ATP6V1H: variants seen among roughly 807,000 people sequenced by gnomAD.
ATP6V1H encodes V-type proton ATPase subunit H.
A neutral mutation model predicts 71.7 loss-of-function variants in ATP6V1H; 39 were observed. That is an observed-to-expected ratio of 0.54 (90% CI 0.42 to 0.71). The LOEUF is 0.71. Ranked by LOEUF, ATP6V1H falls within the 30% of genes least tolerant of loss-of-function variation. The pLI, the probability that ATP6V1H is intolerant of heterozygous loss-of-function variation, is 0.00. For missense variants in ATP6V1H, 509 were observed against 594.9 expected, an observed-to-expected ratio of 0.86 and a Z score of 1.50; for synonymous variants, 192 against 199.3, an observed-to-expected ratio of 0.96 and a Z score of 0.31.
chr8:53,793,835 T>G (rs185030493), intron 9 of ATP6V1H, among the ~76,000 whole-genome samples: 1 of 152,084 alleles, frequency 6.6e-6, no homozygotes. Context: ...GCTACTCAGG[T>G]GGCTGAGGCA....
chr8:53,796,853 T>C (rs1017719544), intron 8 of ATP6V1H, among the ~76,000 whole-genome samples: 1 of 152,226 alleles, frequency 6.6e-6, no homozygotes, highest in African/African-American at 2.4e-5. Flanking sequence ...ATGTTTAAAA[T>C]GCTAAGCCTG....
rs182533002 is a variant in ATP6V1H, at chr8:53,834,636, G to A, written c.114-1550C>T. ...AAACGGGGTTTCACCATATTGGCCGGGCTGCTCTCGAACTCCTGATCTCGT... is the reference window on the plus strand; with the variant it reads ...AAACGGGGTTTCACCATATTGGCCGAGCTGCTCTCGAACTCCTGATCTCGT... On this transcript the variant is annotated intron_variant, in intron 2 of 13. Coordinates refer to ENST00000359530, the MANE Select transcript of ATP6V1H (RefSeq NM_015941.4). Among the ~76,000 whole-genome samples the A allele has an allele frequency of 4.1e-3, 630 of 152,098 alleles. 4 individuals are homozygous for A. The highest frequency in any genetic ancestry group is 5.7e-3 in the Non-Finnish European group (389 of 67,986).
chr8:53,748,756 C>T (rs527355401), intron 12 of ATP6V1H, among the ~76,000 whole-genome samples: 1 of 152,182 alleles, frequency 6.6e-6, no homozygotes, highest in African/African-American at 2.4e-5. Context: ...AAGGGTGTTG[C>T]TTTTTCCTCT....
At chr8:53,724,401 A>G (rs74451932) in intron 13 of ATP6V1H, among the ~76,000 whole-genome samples, 14,003 of 152,186 alleles carry the variant, frequency 0.092, 1,079 homozygotes, top group East Asian at 0.41. Flanking sequence ...TTCTTCCTCA[A>G]TAACAGAACC....
At chr8:53,744,226 T>C (rs976039737) in intron 12 of ATP6V1H, among the ~76,000 whole-genome samples, 1 of 152,078 alleles carries the variant, frequency 6.6e-6, no homozygotes, top group Non-Finnish European at 1.5e-5. Context: ...GTAATAACAA[T>C]GGGATATGCC....
chr8:53,827,106 G>A (rs1475436206), intron 4 of ATP6V1H, among the ~76,000 whole-genome samples: 1 of 152,030 alleles, frequency 6.6e-6, no homozygotes, highest in Non-Finnish European at 1.5e-5. Context: ...TGCAGGCTGG[G>A]CATGGTGGCT....
At chr8:53,793,259 T>TAAA (rs1355256849) in intron 9 of ATP6V1H, among the ~76,000 whole-genome samples, 3 of 152,206 alleles carry the variant, frequency 2.0e-5, no homozygotes, top group African/African-American at 7.2e-5. Context: ...GGTAATATTA[T>TAAA]AGTGAGCAGA....
chr8:53,743,402 T>C (rs1807485257), intron 13 of ATP6V1H, among the ~76,000 whole-genome samples, 175 bp downstream of exon 13: 2 of 152,044 alleles, frequency 1.3e-5, no homozygotes, highest in Admixed American at 1.3e-4. Flanking sequence ...GTGCAGTCCG[T>C]CTTTATAAAA....
At chr8:53,779,321 T>A (rs1274094211) in intron 9 of ATP6V1H, among the ~76,000 whole-genome samples, 1 of 151,968 alleles carries the variant, frequency 6.6e-6, no homozygotes, top group Non-Finnish European at 1.5e-5. Flanking sequence ...GATTGAAATC[T>A]TACAGAATAT....
At chr8:53,718,859 G>A (rs1431142899) in intron 13 of ATP6V1H, among the ~76,000 whole-genome samples, 3 of 152,184 alleles carry the variant, frequency 2.0e-5, no homozygotes, top group Non-Finnish European at 4.4e-5. Context: ...ATGAAAAAGG[G>A]TCCAACTAAG....
intron 12 of ATP6V1H, among the ~76,000 whole-genome samples, chr8:53,752,957 G>T (rs1049246688): frequency 6.6e-6 from 1 of 151,756 alleles, no homozygotes; most frequent in Admixed American, 6.6e-5. Context: ...TAAAATGTTT[G>T]AGTATTATGA....
At chr8:53,801,377 A>C (rs746533509) in intron 8 of ATP6V1H, among the ~76,000 whole-genome samples, 2 of 152,232 alleles carry the variant, frequency 1.3e-5, no homozygotes, top group African/African-American at 2.4e-5. Context: ...AAGCCTGAAC[A>C]GGCAGCTCCT....
At chr8:53,747,581 C>T (rs761154752) in intron 12 of ATP6V1H, among the ~76,000 whole-genome samples, 1 of 151,074 alleles carries the variant, frequency 6.6e-6, no homozygotes, top group Non-Finnish European at 1.5e-5. Context: ...GCTCCATTGC[C>T]CAGGCTGGAG....
chr8:53,828,560 T>A (rs796292479), intron 4 of ATP6V1H, among the ~76,000 whole-genome samples: 4 of 152,262 alleles, frequency 2.6e-5, no homozygotes, highest in African/African-American at 9.6e-5. Context: ...CTGTTTTACA[T>A]GAAAAAGTGC....
intron 9 of ATP6V1H, among the ~76,000 whole-genome samples, chr8:53,786,745 T>C (rs186049539): frequency 6.6e-6 from 1 of 152,210 alleles, no homozygotes; most frequent in Non-Finnish European, 1.5e-5. Flanking sequence ...ACAAATCCAG[T>C]ATAAACATCA....
rs1245983622 is a variant in ATP6V1H at position 53,715,711 on chromosome 8, GAAC to G, written c.*250_*252del. The G allele has an allele frequency of 1.1e-5, 4 of 361,638 alleles. No homozygotes were observed. The highest frequency in any genetic ancestry group is 2.0e-5 in the Non-Finnish European group (4 of 204,242). 22.4% of individuals were successfully genotyped at this position (361,638 alleles called of 1,614,324 possible). On this transcript the variant is annotated 3_prime_UTR_variant, in exon 14 of 14. Transcript: ENST00000359530. ...TTTAATAACTATATTTATTTCCAGA[GAAC>G]AATAAATACAGAAATTGCAAGCAGT...
chr8:53,739,701 A>G (rs1807348518), intron 13 of ATP6V1H: 1 of 152,272 alleles, frequency 6.6e-6, no homozygotes, highest in South Asian at 2.1e-4. Context: ...AGGTGTATAT[A>G]CACAAGTTCT....
chr8:53,838,028 C>G (rs1290782550), intron 2 of ATP6V1H, among the ~76,000 whole-genome samples: 1 of 152,024 alleles, frequency 6.6e-6, no homozygotes, highest in Non-Finnish European at 1.5e-5. Flanking sequence ...CCTGAAGCTC[C>G]CAAGCACTGC....
At chr8:53,776,960 G>A (rs1808912058) in intron 9 of ATP6V1H, among the ~76,000 whole-genome samples, 2 of 152,098 alleles carry the variant, frequency 1.3e-5, no homozygotes, top group South Asian at 2.1e-4. Context: ...GATGACAAAG[G>A]AGTCAGTGAA....
Sources: allele counts gnomAD v4.1 joint callset (sites outside exome capture counted in the v4.1 genomes callset), GRCh38; gene constraint gnomAD v4.1.1; transcripts MANE v1.5; gene names NCBI Gene and HGNC (gene_info 2026-07-23, HGNC 2026-07-21).